PCSK2: variants seen among roughly 807,000 people sequenced by gnomAD.
PCSK2 encodes the protein proprotein convertase subtilisin/kexin type 2, also known as neuroendocrine convertase 2.
In PCSK2, 14 loss-of-function variants were observed where a neutral mutation model predicts 69.7. That is an observed-to-expected ratio of 0.20 (90% confidence interval 0.13 to 0.31). PCSK2 has a LOEUF of 0.31. Ranked by LOEUF, PCSK2 falls within the 10% of genes least tolerant of loss-of-function variation. PCSK2 has a pLI of 1.00. For synonymous variants in PCSK2, 307 were observed against 320.7 expected (o/e 0.96, Z 0.46); for missense variants, 544 against 842.5 (o/e 0.65, Z 4.39).
At chr20:17,377,103 G>A (rs1045595268) in intron 5 of PCSK2, among the ~76,000 whole-genome samples, 5 of 152,186 alleles carry the variant, frequency 3.3e-5, no homozygotes, top group Admixed American at 3.3e-4. Context: ...GATTCGAGAG[G>A]TGAATAATCC....
intron 2 of PCSK2, among the ~76,000 whole-genome samples, chr20:17,276,567 A>C (rs1962465269): frequency 6.6e-6 from 1 of 151,966 alleles, no homozygotes; most frequent in Non-Finnish European, 1.5e-5. Flanking sequence ...TATTATTGTG[A>C]GTCCTTAAGT....
intron 8 of PCSK2, among the ~76,000 whole-genome samples, chr20:17,439,009 G>A (rs1048630326): frequency 1.3e-5 from 2 of 152,176 alleles, no homozygotes; most frequent in African/African-American, 4.8e-5. Context: ...TGCTTCTAGG[G>A]AACACCTCCC....
At chr20:17,260,496 ACT>A in intron 2 of PCSK2, 152 bp downstream of exon 2, 2 of 615,432 alleles carry the variant, frequency 3.2e-6, no homozygotes, top group South Asian at 1.9e-5. Context: ...CATATCAGGG[ACT>A]CTCTGCTCCT....
intron 2 of PCSK2, among the ~76,000 whole-genome samples, chr20:17,327,273 C>T (rs1239241814): frequency 6.6e-6 from 1 of 152,312 alleles, no homozygotes; most frequent in East Asian, 1.9e-4. Flanking sequence ...TTTGAGAAAT[C>T]CATCTCCCTT....
chr20:17,355,371 G>A (rs2123204506), intron 2 of PCSK2, among the ~76,000 whole-genome samples: 1 of 152,284 alleles, frequency 6.6e-6, no homozygotes, highest in African/African-American at 2.4e-5. Flanking sequence ...TTTACGACAA[G>A]GAGTCCCATA....
At chr20:17,354,081 T>C (rs118061176) in intron 2 of PCSK2, among the ~76,000 whole-genome samples, 3 of 152,210 alleles carry the variant, frequency 2.0e-5, no homozygotes, top group East Asian at 3.8e-4. Context: ...GGATCATTCA[T>C]ACCCTAAACT....
chr20:17,434,326 A>G (rs1023238456), intron 7 of PCSK2, among the ~76,000 whole-genome samples: 3 of 151,774 alleles, frequency 2.0e-5, no homozygotes, highest in African/African-American at 7.3e-5. Context: ...GGGGCAGAGG[A>G]GAGGCCTTCC....
chr20:17,402,965 A>C (rs1463001133), intron 5 of PCSK2, among the ~76,000 whole-genome samples: 1 of 152,164 alleles, frequency 6.6e-6, no homozygotes, highest in Non-Finnish European at 1.5e-5. Context: ...TCAAAAAAAA[A>C]AAGAAAAGAA....
intron 10 of PCSK2, chr20:17,465,030 C>A: frequency 2.4e-6 from 1 of 409,366 alleles, no homozygotes; most frequent in Non-Finnish European, 4.5e-6. Context: ...TCCACATCTT[C>A]AACACTTAAC....
intron 10 of PCSK2, among the ~76,000 whole-genome samples, chr20:17,458,632 G>T (rs757176124): frequency 6.6e-6 from 1 of 152,168 alleles, no homozygotes. Context: ...TTGAGATAAG[G>T]TTACAGGAAG....
chr20:17,408,420 T>C (rs1348196114), intron 5 of PCSK2, among the ~76,000 whole-genome samples: 1 of 151,998 alleles, frequency 6.6e-6, no homozygotes, highest in Non-Finnish European at 1.5e-5. Flanking sequence ...ACAAAATTGC[T>C]TAGACAGTTT....
chr20:17,281,409 G>A (rs765193153), intron 2 of PCSK2, among the ~76,000 whole-genome samples: 1 of 152,170 alleles, frequency 6.6e-6, no homozygotes, highest in Non-Finnish European at 1.5e-5. Context: ...CCTCGGTAAA[G>A]ACTAGATCCC....
intron 5 of PCSK2, among the ~76,000 whole-genome samples, chr20:17,408,475 G>A (rs1270368748): frequency 6.6e-6 from 1 of 152,168 alleles, no homozygotes; most frequent in African/African-American, 2.4e-5. Context: ...TTCTCAGTGG[G>A]AAAAAGGAAG....
At chr20:17,274,327 T>G (rs1987975346) in intron 2 of PCSK2, among the ~76,000 whole-genome samples, 1 of 152,130 alleles carries the variant, frequency 6.6e-6, no homozygotes, top group Non-Finnish European at 1.5e-5. Flanking sequence ...ACATCTCTCT[T>G]CATGTGTGAC....
At chr20:17,260,376 C>G in intron 2 of PCSK2, 32 bp downstream of exon 2, 1 of 1,454,338 alleles carries the variant, frequency 6.9e-7, no homozygotes, top group Non-Finnish European at 9.7e-7. Flanking sequence ...GCCTCCCAAT[C>G]TCTGCTGCCA....
At chr20:17,331,980 TATA>T (rs767301310) in intron 2 of PCSK2, among the ~76,000 whole-genome samples, 1 of 152,212 alleles carries the variant, frequency 6.6e-6, no homozygotes, top group East Asian at 1.9e-4. Context: ...AGGCACTGGT[TATA>T]ATAATAATTA....
chr20:17,228,763 C>A (rs972239582), intron 1 of PCSK2, among the ~76,000 whole-genome samples: 10 of 152,212 alleles, frequency 6.6e-5, no homozygotes, highest in African/African-American at 2.2e-4. Context: ...GCCTCTCCCT[C>A]CTCCTAAGGG....
intron 8 of PCSK2, among the ~76,000 whole-genome samples, chr20:17,447,940 A>AT (rs1341711152): frequency 6.6e-6 from 1 of 152,208 alleles, no homozygotes. Flanking sequence ...CTTTGCATTT[A>AT]TATGTAAAAT....
intron 1 of PCSK2, among the ~76,000 whole-genome samples, chr20:17,245,342 T>G (rs1003203447): frequency 1.3e-5 from 2 of 152,252 alleles, no homozygotes; most frequent in African/African-American, 4.8e-5. Flanking sequence ...CCAATAAGGT[T>G]TCACTAACAA....
Sources: allele counts gnomAD v4.1 joint callset (sites outside exome capture counted in the v4.1 genomes callset), GRCh38; gene constraint gnomAD v4.1.1; transcripts MANE v1.5; gene names NCBI Gene and HGNC (gene_info 2026-07-23, HGNC 2026-07-21).